The following PDE4D variants were observed in gnomAD, a reference collection of about 807,000 sequenced individuals.
PDE4D encodes phosphodiesterase 4D.
A neutral mutation model predicts 87.4 loss-of-function variants in PDE4D; 24 were observed. The ratio of observed to expected loss-of-function variants is 0.27; its 90% CI spans 0.20 to 0.39. The LOEUF is 0.39. Ranked by LOEUF, PDE4D falls within the 10% of genes least tolerant of loss-of-function variation. The pLI is 1.00. For synonymous variants in PDE4D, 384 were observed against 383.2 expected, an observed-to-expected ratio of 1.00 and a Z score of -0.02; for missense variants, 714 against 1,041.0, an observed-to-expected ratio of 0.69 and a Z score of 4.32.
chr5:59,809,530 G>A (rs1768106802), intron 1 of PDE4D, among the ~76,000 whole-genome samples: 1 of 151,938 alleles, frequency 6.6e-6, no homozygotes, highest in African/African-American at 2.4e-5. Flanking sequence ...ATTTACCCTG[G>A]GTAATTCCTA....
At chr5:58,999,067 A>C (rs1271738382) in intron 6 of PDE4D, among the ~76,000 whole-genome samples, 3 of 152,224 alleles carry the variant, frequency 2.0e-5, no homozygotes, top group Non-Finnish European at 4.4e-5. Flanking sequence ...GGTGAAAAAA[A>C]CGTATTCCTC....
intron 1 of PDE4D, among the ~76,000 whole-genome samples, chr5:59,232,741 A>G (rs1344857813): frequency 6.6e-6 from 1 of 152,028 alleles, no homozygotes; most frequent in Non-Finnish European, 1.5e-5. Context: ...TTATTGCAGT[A>G]CTATCTACAA....
At chr5:59,281,482 TTTTA>T (rs1258781358) in intron 1 of PDE4D, among the ~76,000 whole-genome samples, 1 of 152,206 alleles carries the variant, frequency 6.6e-6, no homozygotes, top group Non-Finnish European at 1.5e-5. Flanking sequence ...CATTTACAAA[TTTTA>T]TTTATCAAAT....
chr5:60,397,138 G>T (rs1274885846), intron 1 of PDE4D, among the ~76,000 whole-genome samples: 1 of 152,124 alleles, frequency 6.6e-6, no homozygotes, highest in Non-Finnish European at 1.5e-5. Flanking sequence ...AAAGACAAAA[G>T]TTAGCAAGTG....
At chr5:60,099,039 T>C (rs1284519022) in intron 2 of PDE4D, among the ~76,000 whole-genome samples, 2 of 151,982 alleles carry the variant, frequency 1.3e-5, no homozygotes, top group Non-Finnish European at 2.9e-5. Context: ...ATTTTATGTC[T>C]CTTCATTTCT....
intron 6 of PDE4D, among the ~76,000 whole-genome samples, chr5:59,023,942 G>A (rs1470079330): frequency 5.1e-5 from 7 of 136,806 alleles, no homozygotes; most frequent in Non-Finnish European, 6.1e-5. Flanking sequence ...TCACTCAGTC[G>A]CCCAGACTGG....
chr5:59,092,386 A>T (rs12109774), intron 5 of PDE4D, among the ~76,000 whole-genome samples: 1 of 151,992 alleles, frequency 6.6e-6, no homozygotes, highest in Non-Finnish European at 1.5e-5. Flanking sequence ...TGATGAGTAC[A>T]TAAGTCTCAT....
chr5:59,428,741 C>A lies in PDE4D; in HGVS notation c.456-212773G>T, dbSNP rs78331625. 5.3e-5 allele frequency among the ~76,000 whole-genome samples: 8 copies of A among 152,230 alleles called. No homozygotes were observed. The East Asian group carries it at 1.5e-3, about 29-fold the overall frequency. ...ATGTTCTTCCATTCATTCATCCACC[C>A]CTCTAACTATTGTTTTCATTACATG... is the stretch of plus-strand genomic sequence containing the variant. On this transcript the variant is annotated intron_variant, in intron 1 of 14. Transcript: ENST00000340635.
intron 1 of PDE4D, among the ~76,000 whole-genome samples, chr5:59,361,366 C>T (rs1375275263): frequency 1.3e-5 from 2 of 152,142 alleles, no homozygotes; most frequent in Non-Finnish European, 2.9e-5. Flanking sequence ...TAATTTGACA[C>T]AATTTTCTAA....
At chr5:58,995,974 T>C (rs997313054) in intron 6 of PDE4D, among the ~76,000 whole-genome samples, 1 of 151,162 alleles carries the variant, frequency 6.6e-6, no homozygotes, top group Non-Finnish European at 1.5e-5. Flanking sequence ...AGGGATGAGT[T>C]CACGTCCTTT....
At chr5:60,172,257 T>C (rs1386140197) in intron 2 of PDE4D, among the ~76,000 whole-genome samples, 1 of 128,218 alleles carries the variant, frequency 7.8e-6, no homozygotes, top group Non-Finnish European at 1.6e-5. Context: ...TTATGCCAAG[T>C]ACTTCAATAC....
intron 1 of PDE4D, among the ~76,000 whole-genome samples, chr5:59,876,285 T>C (rs1356593611): frequency 6.6e-6 from 1 of 152,106 alleles, no homozygotes. Flanking sequence ...TAAATGATAG[T>C]GCTGAGGAAA....
At chr5:59,191,220 C>T (rs542775230) in intron 3 of PDE4D, among the ~76,000 whole-genome samples, 5 of 152,098 alleles carry the variant, frequency 3.3e-5, no homozygotes, top group African/African-American at 1.2e-4. Context: ...AGGTACACTA[C>T]AGAAAATATC....
intron 3 of PDE4D, among the ~76,000 whole-genome samples, chr5:59,918,591 C>T (rs1754325234): frequency 6.6e-6 from 1 of 152,164 alleles, no homozygotes; most frequent in Non-Finnish European, 1.5e-5. Context: ...CTCTTCCTCT[C>T]TTGCTGGATT....
intron 1 of PDE4D, among the ~76,000 whole-genome samples, chr5:59,679,101 T>C (rs1159216154): frequency 6.6e-6 from 1 of 152,210 alleles, no homozygotes; most frequent in African/African-American, 2.4e-5. Flanking sequence ...GCAATTATAA[T>C]AAAAGTCAAC....
chr5:59,201,666 T>A (rs1208408784), intron 2 of PDE4D, among the ~76,000 whole-genome samples: 1 of 152,156 alleles, frequency 6.6e-6, no homozygotes, highest in Non-Finnish European at 1.5e-5. Flanking sequence ...TCCATTTAAG[T>A]CAAAATAAAT....
At chr5:60,151,194 C>G (rs930673266) in intron 2 of PDE4D, among the ~76,000 whole-genome samples, 3 of 152,042 alleles carry the variant, frequency 2.0e-5, no homozygotes, top group African/African-American at 7.2e-5. Flanking sequence ...ATAGAGTAAA[C>G]AAAAAACTTC....
chr5:60,507,433 G>A (rs1304623053), intron 1 of PDE4D, among the ~76,000 whole-genome samples: 3 of 151,986 alleles, frequency 2.0e-5, no homozygotes, highest in Non-Finnish European at 4.4e-5. Context: ...TTCATATTAT[G>A]AACAAAAATG....
At chr5:59,659,821 G>T (rs1744951878) in intron 1 of PDE4D, among the ~76,000 whole-genome samples, 1 of 152,144 alleles carries the variant, frequency 6.6e-6, no homozygotes, top group Non-Finnish European at 1.5e-5. Context: ...AATGCATCAA[G>T]ATACCAGCAG....
Sources: allele counts gnomAD v4.1 joint callset (sites outside exome capture counted in the v4.1 genomes callset), GRCh38; gene constraint gnomAD v4.1.1; transcripts MANE v1.5; gene names NCBI Gene and HGNC (gene_info 2026-07-23, HGNC 2026-07-21).